The following SHOC2 variants were observed in gnomAD, a reference collection of about 807,000 sequenced individuals.
SHOC2 encodes SHOC2 leucine rich repeat scaffold protein.
In SHOC2, 4 loss-of-function variants were observed where a neutral mutation model predicts 50.2. The ratio of observed to expected loss-of-function variants is 0.08; its 90% CI spans 0.04 to 0.18. SHOC2 has a LOEUF of 0.18. Ranked by LOEUF, SHOC2 falls within the 10% of genes least tolerant of loss-of-function variation. The pLI is 1.00. For synonymous variants in SHOC2, 218 were observed against 244.5 expected, an observed-to-expected ratio of 0.89 and a Z score of 1.01; for missense variants, 388 against 669.6, an observed-to-expected ratio of 0.58 and a Z score of 4.64.
chr10:110,937,029 G>C (rs547155776), intron 1 of SHOC2: 5 of 1,481,034 alleles, frequency 3.4e-6, no homozygotes, highest in Non-Finnish European at 4.7e-6. Context: ...TGGTAGGGGC[G>C]TCGGAAAGGG....
Position 111,011,840 on chromosome 10 carries a change from C to T in SHOC2, c.*22C>T. 2 of 1,576,204 alleles carry T rather than the reference C, an allele frequency of 1.3e-6. No individual in the cohort carries two copies. The highest frequency in any genetic ancestry group is 1.7e-6 in the Non-Finnish European group (2 of 1,145,602). On this transcript the variant is annotated 3_prime_UTR_variant, in exon 9 of 9. Coordinates refer to ENST00000369452, the MANE Select transcript of SHOC2 (RefSeq NM_007373.4). ...CTGATATAAATCTGCTGGTCCCACACACTGTTCAAAAATAGACTGCCATTA... is the reference window on the plus strand; with the variant it reads ...CTGATATAAATCTGCTGGTCCCACATACTGTTCAAAAATAGACTGCCATTA...
chr10:110,966,114 T>C (rs1160422462), intron 2 of SHOC2, among the ~76,000 whole-genome samples: 1 of 152,136 alleles, frequency 6.6e-6, no homozygotes, highest in Non-Finnish European at 1.5e-5. Context: ...ATTCTGTGGG[T>C]GTTTTAATAT....
At chr10:110,992,377 G>C (rs958662562) in intron 3 of SHOC2, among the ~76,000 whole-genome samples, 2 of 152,206 alleles carry the variant, frequency 1.3e-5, no homozygotes, top group Non-Finnish European at 2.9e-5. Flanking sequence ...TTCTCATTCA[G>C]AAATTAGCTA....
rs1269812676 is a variant in SHOC2, at chr10:110,943,961, C to T, written c.-234-20164C>T. ...TCTTCCACATATTATCATTTCAGAT[C>T]GTCTTTTGCCCCAACTTTGCCCCAA... On this transcript the variant is annotated intron_variant, in intron 1 of 8. Transcript: ENST00000369452. Among the ~76,000 whole-genome samples, 4 of 152,250 alleles carry T rather than the reference C, an allele frequency of 2.6e-5. No homozygotes were observed. In the East Asian group the frequency reaches 5.8e-4, roughly 22 times the overall value.
At chr10:110,983,754 T>G (rs978600889) in intron 2 of SHOC2, among the ~76,000 whole-genome samples, 1 of 152,186 alleles carries the variant, frequency 6.6e-6, no homozygotes, top group Non-Finnish European at 1.5e-5. Flanking sequence ...GTACCTCATA[T>G]AAGAGGGATC....
intron 4 of SHOC2, among the ~76,000 whole-genome samples, chr10:111,001,197 G>T (rs139671887): frequency 0.068 from 8,629 of 127,026 alleles, 330 homozygotes; most frequent in African/African-American, 0.12. Flanking sequence ...AGCTCTTGTT[G>T]CCCAGGCTGG....
In SHOC2 at chr10:111,001,788, C is replaced by G. The variant is rs560487831; in HGVS notation, c.972+1243C>G. 3.8e-4 allele frequency among the ~76,000 whole-genome samples: 58 copies of G among 151,442 alleles called. 1 individual carries two copies. In the South Asian group the frequency reaches 0.012, roughly 31 times the overall value. The stretch of plus-strand genomic sequence containing the variant: ...GTAGCTCATGCTTGTAATCCCAGCA[C>G]TTTGGGAGGCCGAGGCAGGCGGGCG... On this transcript the variant is annotated intron_variant, in intron 4 of 8. Coordinates refer to ENST00000369452, the MANE Select transcript of SHOC2 (RefSeq NM_007373.4).
chr10:111,007,819 G>A (rs1488977577), intron 6 of SHOC2, among the ~76,000 whole-genome samples, 166 bp downstream of exon 6: 1 of 152,052 alleles, frequency 6.6e-6, no homozygotes, highest in Non-Finnish European at 1.5e-5. Context: ...TGTTGACTTA[G>A]GTAGTCTAGA....
intron 1 of SHOC2, among the ~76,000 whole-genome samples, chr10:110,939,994 A>G (rs1368177636): frequency 6.6e-6 from 1 of 152,220 alleles, no homozygotes; most frequent in Non-Finnish European, 1.5e-5. Flanking sequence ...CATACTTTTC[A>G]GAAGATACCA....
intron 3 of SHOC2, chr10:110,988,860 ATGT>A (rs1848129124): frequency 1.1e-5 from 5 of 456,000 alleles, no homozygotes; most frequent in Non-Finnish European, 2.2e-5. Flanking sequence ...AAATTCTGAT[ATGT>A]TGTATTTTCC....
At chr10:110,969,719 G>A (rs1847742948) in intron 2 of SHOC2, among the ~76,000 whole-genome samples, 1 of 151,944 alleles carries the variant, frequency 6.6e-6, no homozygotes, top group Admixed American at 6.6e-5. Context: ...TACCTACATT[G>A]TAGGTTCAAT....
upstream of SHOC2, chr10:110,919,377 C>T (rs1209027934): frequency 5.2e-6 from 2 of 387,864 alleles, no homozygotes; most frequent in Admixed American, 4.5e-5. Flanking sequence ...GAGGAAAGGA[C>T]AAGGGCGGAG....
At chr10:110,932,753 A>G (rs577838174) in intron 1 of SHOC2, among the ~76,000 whole-genome samples, 11 of 152,034 alleles carry the variant, frequency 7.2e-5, no homozygotes, top group African/African-American at 2.4e-4. Flanking sequence ...TTCTTGCTTT[A>G]CTCACTTGTG....
Position 111,000,493 on chromosome 10 carries a change from G to A in SHOC2, c.920G>A (p.Ser307Asn). ...SAIPRSLAKCSALEELNLENN... is the reference protein window; with the variant it reads ...SAIPRSLAKCNALEELNLENN... ...ATACCCAGATCATTAGCAAAATGCA[G>A]TGCACTTGAAGAATTAAATTTAGAG... Residue 307 changes from serine (S) to asparagine (N), a missense_variant, in exon 4 of 9, where the codon AGT becomes AAT. Ser to Asn is a conservative substitution (Grantham distance 46). Transcript: ENST00000369452. The A allele has an allele frequency of 1.9e-6, 3 of 1,612,062 alleles. No individual in the cohort carries two copies. Among genetic ancestry groups the A allele is most frequent in the Non-Finnish European group, 2.5e-6 (3 of 1,178,304 alleles).
At chr10:110,947,587 G>A (rs902609065) in intron 1 of SHOC2, among the ~76,000 whole-genome samples, 2 of 152,186 alleles carry the variant, frequency 1.3e-5, no homozygotes, top group East Asian at 3.8e-4. Context: ...TATAAGTTGT[G>A]TCCTCAATAA....
chr10:110,993,549 AC>A (rs1348934963), intron 3 of SHOC2, among the ~76,000 whole-genome samples: 1 of 152,078 alleles, frequency 6.6e-6, no homozygotes, highest in Non-Finnish European at 1.5e-5. Flanking sequence ...TAGAAATTCA[AC>A]CCCTTCCGCC....
intron 3 of SHOC2, among the ~76,000 whole-genome samples, chr10:110,991,591 A>G (rs1281082753): frequency 6.6e-6 from 1 of 152,200 alleles, no homozygotes; most frequent in Non-Finnish European, 1.5e-5. Context: ...TTTTTATGAT[A>G]TTGTAGTCAT....
chr10:111,007,492 T>A, intron 5 of SHOC2, 39 bp from the exon 6 acceptor site: 1 of 1,611,782 alleles, frequency 6.2e-7, no homozygotes, highest in South Asian at 1.1e-5. Flanking sequence ...ACTTTGTTTT[T>A]GTGATTCTAC....
intron 1 of SHOC2, among the ~76,000 whole-genome samples, chr10:110,947,655 A>T (rs557914513): frequency 6.6e-6 from 1 of 152,294 alleles, no homozygotes; most frequent in East Asian, 1.9e-4. Context: ...TTGAAATTAA[A>T]TTTTTATCAG....
Sources: allele counts gnomAD v4.1 joint callset (sites outside exome capture counted in the v4.1 genomes callset), GRCh38; gene constraint gnomAD v4.1.1; transcripts MANE v1.5; gene names NCBI Gene and HGNC (gene_info 2026-07-23, HGNC 2026-07-21).